The following SDK1 variants were observed in gnomAD, a reference collection of about 807,000 sequenced individuals.
The protein encoded by SDK1 is sidekick cell adhesion molecule 1.
In SDK1, 157 loss-of-function variants were observed where a neutral mutation model predicts 245.5. The observed-to-expected ratio is 0.64, with a 90% confidence interval of 0.56 to 0.73. The LOEUF (loss-of-function observed/expected upper bound fraction) is 0.73. Ranked by LOEUF, SDK1 falls within the 30% of genes least tolerant of loss-of-function variation. The pLI is 0.00. For synonymous variants in SDK1, 1,647 were observed against 1,278.5 expected, an observed-to-expected ratio of 1.29 and a Z score of -6.15; for missense variants, 3,583 against 3,002.3, an observed-to-expected ratio of 1.19 and a Z score of -4.52.
At position 4,267,902 on chromosome 7, in the gene SDK1, CA is replaced by C; in HGVS notation, c.*2521del. The C allele has an allele frequency of 1.0e-6, 1 of 985,380 alleles. No homozygotes were observed. Among genetic ancestry groups the C allele is most frequent in the East Asian group, 1.1e-4 (1 of 8,808 alleles). 61.0% of individuals were successfully genotyped at this position (985,380 alleles called of 1,614,324 possible). On this transcript the variant is annotated 3_prime_UTR_variant, in exon 45 of 45. Transcript: ENST00000404826. ...CTCTGTCCCATGAGAACCACCTGTG[CA>C]AAGGAACAGAGCTGGATGTTTCCAG...
intron 16 of SDK1, among the ~76,000 whole-genome samples, chr7:4,013,145 G>C (rs1219650416): frequency 6.6e-6 from 1 of 152,190 alleles, no homozygotes; most frequent in African/African-American, 2.4e-5. Flanking sequence ...TGGCTGAAGG[G>C]TAGCCAGTGT....
At chr7:3,509,383 C>T (rs1157512178) in intron 1 of SDK1, among the ~76,000 whole-genome samples, 6 of 152,038 alleles carry the variant, frequency 3.9e-5, no homozygotes, top group East Asian at 3.9e-4. Context: ...AGGCAAATAC[C>T]GTTACTTTTC....
At chr7:3,490,186 C>T (rs529896924) in intron 1 of SDK1, among the ~76,000 whole-genome samples, 1 of 152,246 alleles carries the variant, frequency 6.6e-6, no homozygotes, top group South Asian at 2.1e-4. Context: ...GTTGTAACTG[C>T]TAGGTTCTTT....
At chr7:4,058,222 C>T (rs1002284572) in intron 19 of SDK1, among the ~76,000 whole-genome samples, 4 of 151,968 alleles carry the variant, frequency 2.6e-5, no homozygotes, top group Admixed American at 6.5e-5. Context: ...AAGAACCAAA[C>T]AGATATCCAG....
At chr7:3,321,291 A>G (rs778001685) in intron 1 of SDK1, among the ~76,000 whole-genome samples, 38 of 152,204 alleles carry the variant, frequency 2.5e-4, no homozygotes, top group Non-Finnish European at 4.9e-4. Flanking sequence ...TTGCTGGGTC[A>G]CTTAATTTGA....
intron 20 of SDK1, among the ~76,000 whole-genome samples, chr7:4,074,278 G>T (rs1428505552): frequency 1.3e-5 from 2 of 152,262 alleles, no homozygotes; most frequent in African/African-American, 2.4e-5. Context: ...TTGAAGCAGG[G>T]GCTTAGTGTA....
At chr7:3,581,749 A>G (rs1168730020) in intron 1 of SDK1, among the ~76,000 whole-genome samples, 2 of 152,200 alleles carry the variant, frequency 1.3e-5, no homozygotes, top group Non-Finnish European at 2.9e-5. Context: ...GTCAACCTAA[A>G]TGCTCATCAA....
intron 1 of SDK1, among the ~76,000 whole-genome samples, chr7:3,404,194 T>A (rs941044039): frequency 2.6e-5 from 4 of 152,012 alleles, no homozygotes; most frequent in Non-Finnish European, 5.9e-5. Flanking sequence ...CCAAAATTTG[T>A]AATTTTACAA....
intron 9 of SDK1, among the ~76,000 whole-genome samples, chr7:3,966,490 C>T (rs1282439789): frequency 1.3e-5 from 2 of 152,194 alleles, no homozygotes; most frequent in Non-Finnish European, 1.5e-5. Flanking sequence ...CGGTCTGACT[C>T]AGGGCTGCTC....
intron 37 of SDK1, among the ~76,000 whole-genome samples, chr7:4,208,639 C>T (rs6967453): frequency 0.011 from 1,656 of 152,330 alleles, 32 homozygotes; most frequent in African/African-American, 0.038. Context: ...ATGGAACTTC[C>T]CATCAGGGGC....
At chr7:3,868,762 T>G (rs1008046402) in intron 5 of SDK1, among the ~76,000 whole-genome samples, 2 of 152,194 alleles carry the variant, frequency 1.3e-5, no homozygotes, top group Non-Finnish European at 2.9e-5. Flanking sequence ...GTACATCTGT[T>G]ACCTTTAATT....
chr7:4,011,344 G>T (rs1439946253), intron 15 of SDK1, among the ~76,000 whole-genome samples: 1 of 152,208 alleles, frequency 6.6e-6, no homozygotes, highest in African/African-American at 2.4e-5. Context: ...GATTTTTCCT[G>T]TGGCGATCTG....
At chr7:3,908,359 G>A (rs1779033676) in intron 5 of SDK1, among the ~76,000 whole-genome samples, 1 of 152,172 alleles carries the variant, frequency 6.6e-6, no homozygotes, top group Non-Finnish European at 1.5e-5. Flanking sequence ...TCCAGGAGAC[G>A]ATCAGCTTGG....
intron 27 of SDK1, among the ~76,000 whole-genome samples, chr7:4,132,076 C>G (rs959298852): frequency 2.0e-5 from 3 of 152,254 alleles, no homozygotes; most frequent in South Asian, 2.1e-4. Context: ...TTCGTGAACC[C>G]TGCTTTTGAG....
chr7:4,247,705 C>G (rs1447928951), intron 44 of SDK1, among the ~76,000 whole-genome samples: 1 of 152,340 alleles, frequency 6.6e-6, no homozygotes, highest in East Asian at 1.9e-4. Flanking sequence ...TGTGTGTTTC[C>G]AGCACTCACT....
chr7:4,073,761 G>A (rs55668221), intron 20 of SDK1, among the ~76,000 whole-genome samples: 45,377 of 151,790 alleles, frequency 0.3, 7,265 homozygotes, highest in African/African-American at 0.4. Context: ...GCAGGGTCTC[G>A]TGCACCATGA....
intron 1 of SDK1, among the ~76,000 whole-genome samples, chr7:3,564,073 TA>T (rs1332893865): frequency 3.3e-5 from 5 of 151,970 alleles, no homozygotes; most frequent in African/African-American, 1.2e-4. Context: ...ATAGCTTAAA[TA>T]AACATAGTTT....
chr7:3,341,106 A>T (rs777140637), intron 1 of SDK1, among the ~76,000 whole-genome samples: 1 of 152,194 alleles, frequency 6.6e-6, no homozygotes, highest in Non-Finnish European at 1.5e-5. Context: ...ATGAACTTAA[A>T]GGCAATGATC....
At chr7:3,769,144 A>G (rs1196438178) in intron 4 of SDK1, among the ~76,000 whole-genome samples, 2 of 152,214 alleles carry the variant, frequency 1.3e-5, no homozygotes, top group African/African-American at 2.4e-5. Flanking sequence ...GAGAGATCCC[A>G]TGGACCCCTT....
Sources: gnomAD v4.1 joint callset for allele counts (sites outside exome capture counted in the v4.1 genomes callset) on GRCh38, gnomAD v4.1.1 for gene constraint, MANE v1.5 for transcripts, NCBI Gene and HGNC (gene_info 2026-07-23, HGNC 2026-07-21) for gene names.